Variants in MOSPD2 observed in about 807,000 individuals in gnomAD.
The protein encoded by MOSPD2 is motile sperm domain containing 2, also known as motile sperm domain-containing protein 2.
In MOSPD2, 5 loss-of-function variants were observed where a neutral mutation model predicts 41.7. The observed-to-expected ratio is 0.12, with a 90% CI of 0.06 to 0.25. MOSPD2 has a LOEUF of 0.25. Ranked by LOEUF, MOSPD2 falls within the 10% of genes least tolerant of loss-of-function variation. The pLI is 1.00. For missense variants in MOSPD2, 282 were observed against 375.2 expected, an observed-to-expected ratio of 0.75 and a Z score of 2.05; for synonymous variants, 115 against 126.9, an observed-to-expected ratio of 0.91 and a Z score of 0.63.
chrX:14,899,851 G>A (rs1046781125), intron 5 of MOSPD2, among the ~76,000 whole-genome samples: 1 of 110,466 alleles, frequency 9.1e-6, no homozygotes, highest in Non-Finnish European at 1.9e-5. Context: ...TGGCCATGGA[G>A]TGAAATGACT....
chrX:14,891,362 T>C lies in MOSPD2; in HGVS notation c.80-1361T>C, dbSNP rs141155676. On this transcript the variant is annotated intron_variant, in intron 2 of 14. Coordinates refer to ENST00000380492, the MANE Select transcript of MOSPD2 (RefSeq NM_152581.4). ...CAAGTTAGTGGGAATATAGTGTGTG[T>C]GTGAGCAACTGATGAGAAATTATTG... is the stretch of plus-strand genomic sequence containing the variant. Among the ~76,000 whole-genome samples, 810 of 111,186 alleles carry C rather than the reference T, an allele frequency of 7.3e-3. 12 individuals carry two copies. The highest frequency in any genetic ancestry group is 0.024 in the African/African-American group (746 of 30,655).
At chrX:14,898,067 G>C (rs1175315851) in intron 5 of MOSPD2, among the ~76,000 whole-genome samples, 2 of 111,890 alleles carry the variant, frequency 1.8e-5, no homozygotes, top group Admixed American at 1.9e-4. Flanking sequence ...TATATTCTTT[G>C]CCTGGTAACC....
At chrX:14,881,198 T>C (rs971493661) in intron 2 of MOSPD2, among the ~76,000 whole-genome samples, 3 of 110,938 alleles carry the variant, frequency 2.7e-5, no homozygotes, top group African/African-American at 6.6e-5. Context: ...CTGTTGGTAG[T>C]AAACTTTCTT....
chrX:14,879,785 T>G (rs1339270655), intron 2 of MOSPD2, among the ~76,000 whole-genome samples: 8 of 111,249 alleles, frequency 7.2e-5, no homozygotes, highest in Non-Finnish European at 5.7e-5. Flanking sequence ...ACCAGCAGTA[T>G]TTGGGCATCC....
chrX:14,873,926 A>T, intron 2 of MOSPD2, 168 bp downstream of exon 2: 1 of 489,307 alleles, frequency 2.0e-6, no homozygotes, highest in South Asian at 2.9e-5. Flanking sequence ...AGCCGTGTGC[A>T]CTGCTTCAAA....
chrX:14,912,381 T>G lies in MOSPD2; in HGVS notation c.992+20T>G. The G allele has an allele frequency of 2.0e-6, 2 of 986,135 alleles. No individual in the cohort carries two copies. The highest frequency in any genetic ancestry group is 2.7e-6 in the Non-Finnish European group (2 of 732,843). 81.3% of individuals were successfully genotyped at this position (986,135 alleles called of 1,213,427 possible). A position where few individuals can be genotyped will look rare whatever the true frequency, so the allele number is the denominator to read the frequency against. On this transcript the variant is annotated intron_variant, in intron 10 of 14. Coordinates refer to ENST00000380492, the MANE Select transcript of MOSPD2 (RefSeq NM_152581.4). ...CATCAGGTAATCGTCAAAGATTTTATTAGCTATAATTTTATAACATATCTT... is the reference window on the plus strand; with the variant it reads ...CATCAGGTAATCGTCAAAGATTTTAGTAGCTATAATTTTATAACATATCTT...
rs1248123255 is a variant in MOSPD2, at chrX:14,880,004, A to G, written c.79+6246A>G. Among the ~76,000 whole-genome samples, 6 of 110,114 alleles carry G rather than the reference A, an allele frequency of 5.4e-5. No homozygotes were observed. In the South Asian group the frequency reaches 1.9e-3, roughly 35 times the overall value. On this transcript the variant is annotated intron_variant, in intron 2 of 14. Transcript: ENST00000380492. Reference sequence around the variant, plus strand: ...TTCTTGGCCCTTATTTCTTCCATGTAAACTTCAGAATCAGCTTATGTTTCT... The same window carrying G: ...TTCTTGGCCCTTATTTCTTCCATGTGAACTTCAGAATCAGCTTATGTTTCT...
intron 2 of MOSPD2, among the ~76,000 whole-genome samples, chrX:14,891,718 C>T (rs1193623045): frequency 1.8e-5 from 2 of 109,050 alleles, no homozygotes; most frequent in East Asian, 2.9e-4. Flanking sequence ...CAGGGTGCGC[C>T]ACCACGCCCA....
chrX:14,882,355 G>A (rs751101376), intron 2 of MOSPD2, among the ~76,000 whole-genome samples: 4 of 110,955 alleles, frequency 3.6e-5, no homozygotes, highest in Admixed American at 9.6e-5. Flanking sequence ...GGGTTGAGGC[G>A]GGAGATTCAA....
chrX:14,910,703 G>A lies in MOSPD2; in HGVS notation c.703-534G>A, dbSNP rs1446365550. On this transcript the variant is annotated intron_variant, in intron 8 of 14. Coordinates refer to ENST00000380492, the MANE Select transcript of MOSPD2 (RefSeq NM_152581.4). ...GAGATTGTGCCCATTTACCAATAAT[G>A]TGTGAGAATTCTTGAACCACCTCCT... 3.6e-5 allele frequency among the ~76,000 whole-genome samples: 4 copies of A among 111,609 alleles called. No homozygotes were observed. The East Asian group carries it at 1.1e-3, about 31-fold the overall frequency.
chrX:14,879,888 G>A (rs2092528248), intron 2 of MOSPD2, among the ~76,000 whole-genome samples: 2 of 110,562 alleles, frequency 1.8e-5, no homozygotes, highest in Non-Finnish European at 3.8e-5. Flanking sequence ...TGGTTTTAAT[G>A]CCTTTGAATA....
intron 14 of MOSPD2, 137 bp downstream of exon 14, chrX:14,918,919 C>A: frequency 2.1e-6 from 1 of 468,761 alleles, no homozygotes; most frequent in Non-Finnish European, 3.7e-6. Flanking sequence ...TGAAGAGATG[C>A]CAAATCAGAA....
intron 2 of MOSPD2, among the ~76,000 whole-genome samples, chrX:14,891,776 A>G (rs1328447270): frequency 9.1e-6 from 1 of 109,909 alleles, no homozygotes; most frequent in East Asian, 2.9e-4. Flanking sequence ...CATGTTGCCC[A>G]GGCTGGTCTC....
chrX:14,890,425 A>G (rs2092551593), intron 2 of MOSPD2, among the ~76,000 whole-genome samples: 1 of 111,506 alleles, frequency 9.0e-6, no homozygotes, highest in African/African-American at 3.3e-5. Context: ...TGTTTTGAAT[A>G]CTGATGAATT....
chrX:14,897,149 G>A lies in MOSPD2; in HGVS notation c.388G>A (p.Ala130Thr), dbSNP rs896668101. The change falls in exon 5 of 15, where the codon GCA becomes ACA. Residue 130 changes from alanine (A) to threonine (T), a missense_variant. Coordinates refer to ENST00000380492, the MANE Select transcript of MOSPD2 (RefSeq NM_152581.4). ...CATATTGGACAAAAAGAAGCTCATA[G>A]CATTCTGGTTGGAACGTTATGCTAA... is the stretch of plus-strand genomic sequence containing the variant. The part of the protein sequence containing the change: ...KTILDKKKLI[A>T]FWLERYAKRE... 1.5e-5 allele frequency: 18 copies of A among 1,207,449 alleles called. No homozygotes were observed. The highest frequency in any genetic ancestry group is 2.0e-5 in the Non-Finnish European group (18 of 891,974).
At chrX:14,903,300 T>C (rs1316117760) in intron 7 of MOSPD2, among the ~76,000 whole-genome samples, 2 of 108,008 alleles carry the variant, frequency 1.9e-5, no homozygotes, top group Non-Finnish European at 3.8e-5. Context: ...CTTGAACCCA[T>C]GAGTTTGAGG....
rs753548266 is a variant in MOSPD2 at position 14,911,359 on chromosome X, C to G, written c.825C>G (p.Gly275=). The change falls in exon 9 of 15, where the codon GGC becomes GGG. Residue 275 remains glycine (G), a synonymous_variant. Coordinates refer to ENST00000380492, the MANE Select transcript of MOSPD2 (RefSeq NM_152581.4). The part of the protein sequence containing the change: ...TSSKEDIESD[G]KETLETISNE... ...GTAAAGAAGACATAGAAAGTGATGG[C>G]AAAGAAACATTGGAAACAATTTCTA... 36 of 1,197,546 alleles carry G rather than the reference C, an allele frequency of 3.0e-5. No individual in the cohort carries two copies. The highest frequency in any genetic ancestry group is 3.9e-5 in the Non-Finnish European group (35 of 888,679).
At chrX:14,900,362 T>C (rs2092570974) in intron 5 of MOSPD2, among the ~76,000 whole-genome samples, 1 of 112,048 alleles carries the variant, frequency 8.9e-6, no homozygotes, top group Admixed American at 9.5e-5. Context: ...ACTAAGCATC[T>C]GGTTTCTTCA....
At chrX:14,900,482 T>C in intron 5 of MOSPD2, 93 bp from the exon 6 acceptor site, 1 of 377,673 alleles carries the variant, frequency 2.6e-6, no homozygotes, top group Non-Finnish European at 4.7e-6. Context: ...TTAATAATTG[T>C]CTCACTTGTA....
Sources: allele counts gnomAD v4.1 joint callset (sites outside exome capture counted in the v4.1 genomes callset), GRCh38; gene constraint gnomAD v4.1.1; transcripts MANE v1.5; gene names NCBI Gene and HGNC (gene_info 2026-07-23, HGNC 2026-07-21).